SLC41A3: variants seen among roughly 807,000 people sequenced by gnomAD.
SLC41A3 encodes the protein solute carrier family 41 member 3.
SLC41A3 carries 44 observed loss-of-function variants against 45.4 expected under a neutral mutation model. The observed-to-expected ratio is 0.97, with a 90% CI of 0.76 to 1.25. The LOEUF (loss-of-function observed/expected upper bound fraction) is 1.25. Ranked by LOEUF, SLC41A3 falls within the 50% of genes most tolerant of loss-of-function variation. The pLI is 0.00. For missense variants in SLC41A3, 550 were observed against 600.6 expected (o/e 0.92, Z 0.88); for synonymous variants, 256 against 252.4 (o/e 1.01, Z -0.13).
intron 9 of SLC41A3, among the ~76,000 whole-genome samples, chr3:126,011,953 T>C (rs906099575): frequency 6.6e-6 from 1 of 152,142 alleles, no homozygotes; most frequent in Admixed American, 6.5e-5. Context: ...AGACACAACA[T>C]CTCCAAAAGC....
At chr3:126,042,355 G>C (rs537686372) in intron 3 of SLC41A3, among the ~76,000 whole-genome samples, 33 of 152,262 alleles carry the variant, frequency 2.2e-4, no homozygotes, top group Non-Finnish European at 4.4e-4. Flanking sequence ...CACAGGCCCT[G>C]GGAGATGCAT....
chr3:126,063,202 T>C (rs1944160668), intron 2 of SLC41A3, among the ~76,000 whole-genome samples: 1 of 152,174 alleles, frequency 6.6e-6, no homozygotes, highest in Non-Finnish European at 1.5e-5. Context: ...AAAAATAGAA[T>C]GGAGCCAAAC....
chr3:126,083,342 C>T (rs1945258358), intron 1 of SLC41A3, among the ~76,000 whole-genome samples: 1 of 151,854 alleles, frequency 6.6e-6, no homozygotes, highest in Admixed American at 6.6e-5. Context: ...GTAAAAAAAG[C>T]CTTCTAAAAA....
intron 3 of SLC41A3, among the ~76,000 whole-genome samples, chr3:126,042,943 C>A (rs1942691147): frequency 1.4e-5 from 2 of 146,080 alleles, no homozygotes; most frequent in Non-Finnish European, 1.5e-5. Context: ...TTTGGAATTC[C>A]AGAAAGGAAA....
chr3:126,069,231 A>T lies in SLC41A3; in HGVS notation c.-27-985T>A, dbSNP rs1004756725. Among the ~76,000 whole-genome samples the T allele has an allele frequency of 5.3e-5, 8 of 152,064 alleles. 1 individual carries two copies. The highest frequency in any genetic ancestry group is 4.6e-4 in the Admixed American group (7 of 15,272). ...AAGGCCCCAAGTTTGTACCTCCTGG[A>T]CACTTTGCACAAGCAGCAGGTAAAG... On this transcript the variant is annotated intron_variant, in intron 1 of 10. Coordinates refer to ENST00000360370, the MANE Select transcript of SLC41A3 (RefSeq NM_017836.4).
At chr3:126,078,666 T>C (rs1188560077) in intron 1 of SLC41A3, among the ~76,000 whole-genome samples, 1 of 152,134 alleles carries the variant, frequency 6.6e-6, no homozygotes, top group Non-Finnish European at 1.5e-5. Flanking sequence ...AAGGCTAGAC[T>C]ATTAACGATC....
intron 2 of SLC41A3, chr3:126,056,700 A>T: frequency 6.9e-7 from 1 of 1,443,526 alleles, no homozygotes; most frequent in Non-Finnish European, 9.1e-7. Flanking sequence ...GTGCCTGCAG[A>T]GAGTTCCCCA....
intron 2 of SLC41A3, among the ~76,000 whole-genome samples, chr3:126,059,465 C>T (rs1158141777): frequency 6.6e-6 from 1 of 151,978 alleles, no homozygotes; most frequent in Non-Finnish European, 1.5e-5. Flanking sequence ...CCCATTTGTT[C>T]CCTTGTGCAG....
chr3:126,008,992 C>T, intron 9 of SLC41A3, 112 bp from the exon 10 acceptor site: 2 of 1,317,412 alleles, frequency 1.5e-6, no homozygotes, highest in Non-Finnish European at 2.1e-6. Flanking sequence ...CCCAAGTGTT[C>T]ACTGGACACC....
At position 126,060,629 on chromosome 3, in the gene SLC41A3, A is replaced by G. The variant is rs572336282; in HGVS notation, c.273+7318T>C. ...TATCAAAAGCAAATAATGTAACTAT[A>G]TAAGAAAAATGACTTTCCTGTGAAA... On this transcript the variant is annotated intron_variant, in intron 2 of 10. Coordinates refer to ENST00000360370, the MANE Select transcript of SLC41A3 (RefSeq NM_017836.4). 1.2e-4 allele frequency among the ~76,000 whole-genome samples: 19 copies of G among 152,368 alleles called. No homozygotes were observed. In the South Asian group the frequency reaches 3.7e-3, roughly 30 times the overall value.
Position 126,026,548 on chromosome 3 carries a change from C to A in SLC41A3, c.454-69G>T. 1 of 1,549,242 alleles carries A rather than the reference C, an allele frequency of 6.5e-7. No individual in the cohort carries two copies. The highest frequency in any genetic ancestry group is 1.2e-5 in the South Asian group (1 of 83,082). ...ACAGCCACACTCCCTGCCCTTCACA[C>A]CTCACTCACCGCAAGGGGCCGGGTG... is the stretch of plus-strand genomic sequence containing the variant. On this transcript the variant is annotated intron_variant, in intron 4 of 10. Transcript: ENST00000360370. This position sits in a 1 kb window ranked among gnomAD's most constrained non-coding sequence, Gnocchi z 4.2.
chr3:126,020,399 C>T (rs772886134), intron 6 of SLC41A3, among the ~76,000 whole-genome samples: 2 of 152,184 alleles, frequency 1.3e-5, no homozygotes, highest in Non-Finnish European at 2.9e-5. Flanking sequence ...CCATGCTAAT[C>T]TCCTTAGAAA....
intron 3 of SLC41A3, among the ~76,000 whole-genome samples, chr3:126,045,903 A>G (rs1050163409): frequency 2.6e-5 from 4 of 152,170 alleles, no homozygotes; most frequent in African/African-American, 9.7e-5. Flanking sequence ...TAAAAGGATT[A>G]TGCACCATGA....
Position 126,006,597 on chromosome 3 carries a change from G to C in SLC41A3, c.*419C>G, listed in dbSNP as rs1939125275. On this transcript the variant is annotated 3_prime_UTR_variant, in exon 11 of 11. Coordinates refer to ENST00000360370, the MANE Select transcript of SLC41A3 (RefSeq NM_017836.4). ...AGACAGCAAGTAAGCCACAGCTCAA[G>C]AGTTCTGAGGCTTGGGAACAGAAAA... 6.3e-7 allele frequency: 1 copy of C among 1,574,924 alleles called. No individual in the cohort carries two copies. The highest frequency in any genetic ancestry group is 1.4e-5 in the African/African-American group (1 of 72,400).
At chr3:126,084,399 G>C (rs1945328871), upstream of SLC41A3, 1 of 152,192 alleles carries the variant, frequency 6.6e-6, no homozygotes, top group South Asian at 2.1e-4. Flanking sequence ...GAGCGCTACG[G>C]GAGAGGCGCC....
chr3:126,020,540 A>G (rs192166568), intron 6 of SLC41A3, among the ~76,000 whole-genome samples: 17 of 152,284 alleles, frequency 1.1e-4, no homozygotes, highest in Admixed American at 3.3e-4. Context: ...AGGTAAACCA[A>G]AAACAAAATT....
In SLC41A3 at chr3:126,033,674, T is replaced by C. The variant is rs780272034; in HGVS notation, c.386A>G (p.Asn129Ser). The C allele has an allele frequency of 2.5e-6, 4 of 1,612,624 alleles. No individual in the cohort carries two copies. Among genetic ancestry groups the C allele is most frequent in the African/African-American group, 2.7e-5 (2 of 74,904 alleles). The change falls in exon 4 of 11, where the codon AAC (asparagine) becomes AGC (serine). Residue 129 changes from asparagine to serine, a missense_variant. Coordinates refer to ENST00000360370, the MANE Select transcript of SLC41A3 (RefSeq NM_017836.4). ...TLASRLSTAA[N>S]TGQIDDPQEQ... ...CTGGGGGTCATCAATTTGTCCAGTG[T>C]TGGCCTAGAATGAAGAGAAAAGGAC...
chr3:126,077,873 C>T (rs1376461886), intron 1 of SLC41A3, among the ~76,000 whole-genome samples: 4 of 152,156 alleles, frequency 2.6e-5, no homozygotes, highest in East Asian at 1.9e-4. Context: ...CCGGCCTGGG[C>T]GACTGTGATG....
intron 1 of SLC41A3, among the ~76,000 whole-genome samples, chr3:126,099,537 C>A (rs1945667966): frequency 6.6e-6 from 1 of 152,064 alleles, no homozygotes; most frequent in Non-Finnish European, 1.5e-5. Flanking sequence ...CATGGTGAAA[C>A]CCCGTCTCTA....
Sources: allele counts gnomAD v4.1 joint callset (sites outside exome capture counted in the v4.1 genomes callset), GRCh38; gene constraint gnomAD v4.1.1; non-coding constraint Gnocchi (gnomAD v3.1); transcripts MANE v1.5; gene names NCBI Gene and HGNC (gene_info 2026-07-23, HGNC 2026-07-21).